The following LRP1B variants were observed in gnomAD, a reference collection of about 807,000 sequenced individuals.
The protein encoded by LRP1B is low-density lipoprotein receptor-related protein 1B.
LRP1B carries 217 observed loss-of-function variants against 556.6 expected under a neutral mutation model. The observed-to-expected ratio is 0.39, with a 90% CI of 0.35 to 0.44. The LOEUF (loss-of-function observed/expected upper bound fraction) is 0.44, where lower values mean the gene tolerates loss of function less well. LRP1B is among the 20% of genes least tolerant of loss of function. The probability of loss-of-function intolerance (pLI) is 1.00; values close to 1 mark genes in which losing one functional copy is unlikely to be tolerated. For missense variants in LRP1B, 5,053 were observed against 5,620.8 expected, an observed-to-expected ratio of 0.90 and a Z score of 3.23; for synonymous variants, 2,047 against 1,865.8, an observed-to-expected ratio of 1.10 and a Z score of -2.50.
At chr2:142,047,909 C>A (rs1047468859) in intron 1 of LRP1B, among the ~76,000 whole-genome samples, 2 of 151,988 alleles carry the variant, frequency 1.3e-5, no homozygotes, top group Non-Finnish European at 2.9e-5. Flanking sequence ...AATAAATAAA[C>A]CTTTTTTATG....
rs1573877930 is a variant in LRP1B, at chr2:140,918,214, G to A, written c.3319+4751C>T. Among the ~76,000 whole-genome samples, 5 of 151,524 alleles carry A rather than the reference G, an allele frequency of 3.3e-5. No individual in the cohort carries two copies. The East Asian group carries it at 9.7e-4, about 29-fold the overall frequency. On this transcript the variant is annotated intron_variant, in intron 21 of 90. Transcript: ENST00000389484. ...TGTGTGTGTGTGTGTGTGTGTGTGT[G>A]TGTGTAGAGAATGCTTTTTGTAAAT...
chr2:140,659,580 T>C (rs575351815), intron 41 of LRP1B, among the ~76,000 whole-genome samples: 46 of 152,134 alleles, frequency 3.0e-4, no homozygotes, highest in Admixed American at 9.2e-4. Flanking sequence ...AACACAGATA[T>C]GTGCTACATA....
At chr2:140,342,799 G>C (rs559671148) in intron 77 of LRP1B, among the ~76,000 whole-genome samples, 27 of 151,626 alleles carry the variant, frequency 1.8e-4, no homozygotes, top group Admixed American at 2.6e-4. Context: ...AATGCATTCA[G>C]ATACATCAGA....
chr2:142,028,557 A>C (rs374090783), intron 1 of LRP1B, among the ~76,000 whole-genome samples: 244 of 152,110 alleles, frequency 1.6e-3, no homozygotes, highest in African/African-American at 5.7e-3. Flanking sequence ...ACCATAGTTC[A>C]TTTATCTGTT....
intron 3 of LRP1B, among the ~76,000 whole-genome samples, chr2:141,390,367 C>T (rs1690004196): frequency 6.6e-6 from 1 of 152,086 alleles, no homozygotes; most frequent in African/African-American, 2.4e-5. Flanking sequence ...AAATGTTTCA[C>T]CTGGAGTAAA....
At chr2:140,396,426 G>C (rs2105219567) in intron 66 of LRP1B, among the ~76,000 whole-genome samples, 3 of 152,272 alleles carry the variant, frequency 2.0e-5, no homozygotes, top group African/African-American at 7.2e-5. Context: ...TTTGGATGGA[G>C]AGATTCAGAC....
chr2:141,865,343 A>T (rs1413749751), intron 1 of LRP1B, among the ~76,000 whole-genome samples: 1 of 152,122 alleles, frequency 6.6e-6, no homozygotes, highest in Admixed American at 6.5e-5. Context: ...CTGTAATCCC[A>T]GCACTTTGGG....
chr2:141,763,898 A>G (rs1173307724), intron 2 of LRP1B, among the ~76,000 whole-genome samples: 1 of 152,226 alleles, frequency 6.6e-6, no homozygotes, highest in African/African-American at 2.4e-5. Context: ...CTGAAGGAAG[A>G]GAATAATATA....
intron 84 of LRP1B, among the ~76,000 whole-genome samples, chr2:140,295,577 C>A (rs6755087): frequency 0.48 from 72,945 of 151,862 alleles, 17,871 homozygotes; most frequent in East Asian, 0.64. Context: ...CTTGGGGATG[C>A]GACCTGAGCC....
At chr2:140,929,410 G>T (rs1403667662) in intron 20 of LRP1B, among the ~76,000 whole-genome samples, 1 of 152,054 alleles carries the variant, frequency 6.6e-6, no homozygotes, top group South Asian at 2.1e-4. Context: ...TGGAACAAAA[G>T]ATTTTCTGCA....
Position 140,748,804 on chromosome 2 carries a change from T to G in LRP1B, c.5758+20409A>C. On this transcript the variant is annotated intron_variant, in intron 35 of 90. Coordinates refer to ENST00000389484, the MANE Select transcript of LRP1B (RefSeq NM_018557.3). ...TATATAATATATATTATATACATAT[T>G]ATATACATGTATATAATATATATCA... is the stretch of plus-strand genomic sequence containing the variant. Among the ~76,000 whole-genome samples, 2 of 108,934 alleles carry G rather than the reference T, an allele frequency of 1.8e-5. 1 individual carries two copies. The highest frequency in any genetic ancestry group is 4.6e-4 in the East Asian group (2 of 4,394). The allele number at this position is 108,934 out of a possible 152,430, so 71.5% of individuals were successfully genotyped here.
chr2:141,124,791 T>G (rs575438164), intron 7 of LRP1B, among the ~76,000 whole-genome samples: 83 of 152,256 alleles, frequency 5.5e-4, no homozygotes, highest in Non-Finnish European at 8.7e-4. Flanking sequence ...CTTTGTTAAA[T>G]TAATAGATAG....
At chr2:142,027,189 A>T (rs1703536043) in intron 1 of LRP1B, among the ~76,000 whole-genome samples, 1 of 151,976 alleles carries the variant, frequency 6.6e-6, no homozygotes, top group Admixed American at 6.6e-5. Context: ...TGCTGTATTC[A>T]TCCATTGCTG....
At chr2:140,707,067 T>G (rs563417967) in intron 37 of LRP1B, among the ~76,000 whole-genome samples, 3 of 152,134 alleles carry the variant, frequency 2.0e-5, no homozygotes, top group Non-Finnish European at 4.4e-5. Context: ...GCAAGACTAG[T>G]TGGCATTAAT....
At chr2:140,291,989 A>C (rs148976600) in intron 84 of LRP1B, among the ~76,000 whole-genome samples, 5,593 of 152,130 alleles carry the variant, frequency 0.037, 113 homozygotes, top group South Asian at 0.084. Context: ...CTGACTTTTT[A>C]ATGATCACCC....
intron 1 of LRP1B, among the ~76,000 whole-genome samples, chr2:142,063,363 C>T (rs1240214786): frequency 6.6e-6 from 1 of 151,436 alleles, no homozygotes; most frequent in Non-Finnish European, 1.5e-5. Context: ...TATATAATAG[C>T]TTTTGCATCG....
chr2:141,894,093 A>G (rs1427452746), intron 1 of LRP1B, among the ~76,000 whole-genome samples: 1 of 152,178 alleles, frequency 6.6e-6, no homozygotes, highest in Non-Finnish European at 1.5e-5. Context: ...TGGAATCTGA[A>G]TAACATATAT....
At chr2:141,847,416 C>T (rs1222743006) in intron 1 of LRP1B, among the ~76,000 whole-genome samples, 3 of 151,418 alleles carry the variant, frequency 2.0e-5, no homozygotes, top group African/African-American at 7.3e-5. Context: ...AAAATCCTTG[C>T]AGAGTTTTTT....
intron 43 of LRP1B, among the ~76,000 whole-genome samples, chr2:140,594,990 C>T (rs959896112): frequency 6.6e-6 from 1 of 150,810 alleles, no homozygotes; most frequent in African/African-American, 2.4e-5. Context: ...TTACCTGTCA[C>T]ACATTTCTTC....
Sources: allele counts gnomAD v4.1 joint callset (sites outside exome capture counted in the v4.1 genomes callset), GRCh38; gene constraint gnomAD v4.1.1; transcripts MANE v1.5; gene names NCBI Gene and HGNC (gene_info 2026-07-23, HGNC 2026-07-21).